Variants in FHIT observed in about 807,000 individuals in gnomAD.
The protein encoded by FHIT is fragile histidine triad diadenosine triphosphatase.
In FHIT, 19 loss-of-function variants were observed where a neutral mutation model predicts 17.9. The ratio of observed to expected loss-of-function variants is 1.06; its 90% CI spans 0.74 to 1.56. The LOEUF (loss-of-function observed/expected upper bound fraction) is 1.56, where lower values mean the gene tolerates loss of function less well. Among genes scored for constraint, FHIT ranks in the 40% most tolerant of loss-of-function variants. The pLI, the probability that FHIT is intolerant of heterozygous loss-of-function variation, is 0.00. For missense variants in FHIT, 248 were observed against 189.2 expected, an observed-to-expected ratio of 1.31 and a Z score of -1.82; for synonymous variants, 81 against 69.7, an observed-to-expected ratio of 1.16 and a Z score of -0.81.
intron 8 of FHIT, among the ~76,000 whole-genome samples, chr3:59,909,510 A>G (rs1272278260): frequency 6.6e-6 from 1 of 152,106 alleles, no homozygotes; most frequent in Non-Finnish European, 1.5e-5. Context: ...TTGTATTTTT[A>G]GTAGAGACGG....
At chr3:60,570,773 C>T (rs149807569) in intron 4 of FHIT, among the ~76,000 whole-genome samples, 374 of 143,952 alleles carry the variant, frequency 2.6e-3, no homozygotes, top group African/African-American at 8.6e-3. Context: ...AAGAGCCTAG[C>T]GCATGTTATG....
chr3:61,179,647 G>A (rs2038271764), intron 2 of FHIT, among the ~76,000 whole-genome samples: 1 of 143,352 alleles, frequency 7.0e-6, no homozygotes, highest in Admixed American at 7.3e-5. Flanking sequence ...AGTCAAGGCT[G>A]CTGTGAGCTA....
chr3:59,943,283 A>T (rs991964007), intron 7 of FHIT, among the ~76,000 whole-genome samples: 1 of 150,230 alleles, frequency 6.7e-6, no homozygotes, highest in Non-Finnish European at 1.5e-5. Context: ...GACAGAGTCA[A>T]TTTTTTTTTT....
At position 60,373,970 on chromosome 3, in the gene FHIT, T is replaced by C. The variant is rs1199800329; in HGVS notation, c.103+162890A>G. Among the ~76,000 whole-genome samples the C allele has an allele frequency of 3.9e-5, 6 of 152,306 alleles. No homozygotes were observed. The East Asian group carries it at 1.2e-3, about 29-fold the overall frequency. On this transcript the variant is annotated intron_variant, in intron 5 of 9. Transcript: ENST00000492590. The stretch of plus-strand genomic sequence containing the variant: ...AACAAGCTACACAGAAGGCGGAATC[T>C]CTAGTATGTGGTGAATCTGGTTATT...
At chr3:60,440,520 A>G (rs1003515455) in intron 5 of FHIT, among the ~76,000 whole-genome samples, 1 of 152,088 alleles carries the variant, frequency 6.6e-6, no homozygotes, top group African/African-American at 2.4e-5. Context: ...TACCTGCACT[A>G]TCATTTAATT....
chr3:59,828,820 T>C (rs553621055), intron 8 of FHIT, among the ~76,000 whole-genome samples: 40 of 146,368 alleles, frequency 2.7e-4, no homozygotes, highest in Non-Finnish European at 4.9e-4. Flanking sequence ...TTTTTTGTTT[T>C]TGTTTTTTTA....
chr3:60,329,513 C>T (rs147317997), intron 5 of FHIT, among the ~76,000 whole-genome samples: 42 of 152,286 alleles, frequency 2.8e-4, no homozygotes, highest in African/African-American at 1.0e-3. Context: ...ATGAACCTAA[C>T]CCAGCTGCTT....
Position 60,926,920 on chromosome 3 carries a change from A to C in FHIT, c.-110-104909T>G, listed in dbSNP as rs7639157. ...TACAAACTACCATCACAGAATACTAAAAACACCTCTATGCAAATAAACTAC... is the reference window on the plus strand; with the variant it reads ...TACAAACTACCATCACAGAATACTACAAACACCTCTATGCAAATAAACTAC... On this transcript the variant is annotated intron_variant, in intron 3 of 9. Transcript: ENST00000492590. Among the ~76,000 whole-genome samples the C allele has an allele frequency of 1.8e-3, 273 of 152,006 alleles. 1 individual carries two copies. Among genetic ancestry groups the C allele is most frequent in the Middle Eastern group, 6.8e-3 (2 of 294 alleles).
At chr3:60,953,801 C>T (rs1445482301) in intron 3 of FHIT, among the ~76,000 whole-genome samples, 4 of 152,136 alleles carry the variant, frequency 2.6e-5, no homozygotes, top group Admixed American at 6.5e-5. Flanking sequence ...TTAGAAGAGA[C>T]GAAGACGAGA....
At chr3:61,223,265 C>T (rs2039886007) in intron 1 of FHIT, among the ~76,000 whole-genome samples, 1 of 152,186 alleles carries the variant, frequency 6.6e-6, no homozygotes, top group African/African-American at 2.4e-5. Context: ...GGCCAAGCAG[C>T]AGAACAGAGT....
intron 5 of FHIT, among the ~76,000 whole-genome samples, chr3:60,131,999 C>A (rs1208897361): frequency 2.6e-5 from 4 of 152,244 alleles, no homozygotes; most frequent in Middle Eastern, 3.4e-3. Context: ...ACAGACTGAG[C>A]TTAGCTTTCT....
chr3:60,903,746 C>T (rs1458641433), intron 3 of FHIT, among the ~76,000 whole-genome samples: 5 of 152,138 alleles, frequency 3.3e-5, no homozygotes, highest in African/African-American at 1.2e-4. Context: ...TATTTGGTGT[C>T]TTAAACACAT....
intron 4 of FHIT, among the ~76,000 whole-genome samples, chr3:60,756,934 G>A (rs782741760): frequency 1.3e-5 from 2 of 152,064 alleles, no homozygotes; most frequent in Non-Finnish European, 2.9e-5. Context: ...TGAAACTATG[G>A]ACTGGGGAAA....
At chr3:59,987,932 T>C (rs1696410399) in intron 7 of FHIT, among the ~76,000 whole-genome samples, 1 of 152,106 alleles carries the variant, frequency 6.6e-6, no homozygotes, top group Admixed American at 6.6e-5. Context: ...TGAAATATAT[T>C]TTGAAAAGGG....
chr3:60,917,767 C>T (rs988782941), intron 3 of FHIT, among the ~76,000 whole-genome samples: 2 of 152,348 alleles, frequency 1.3e-5, no homozygotes, highest in Admixed American at 1.3e-4. Flanking sequence ...GATTTACTTT[C>T]CTTATATCAT....
intron 2 of FHIT, among the ~76,000 whole-genome samples, chr3:61,043,724 T>A (rs952249752): frequency 3.3e-5 from 5 of 152,138 alleles, no homozygotes; most frequent in Non-Finnish European, 7.4e-5. Context: ...GGGAGATACC[T>A]CCCAGTAGGG....
At chr3:59,985,133 CTT>C (rs1316225548) in intron 7 of FHIT, among the ~76,000 whole-genome samples, 4 of 152,216 alleles carry the variant, frequency 2.6e-5, no homozygotes, top group South Asian at 2.1e-4. Context: ...TGCTCTAACT[CTT>C]GACAGTTGAG....
rs544256387 is a variant in FHIT, at chr3:60,268,243, T to C, written c.104-254091A>G. ...TATGCTGAATAATCTCTATCTCCTA[T>C]AGCATTTAGGCTGAGGACGTTAAGT... On this transcript the variant is annotated intron_variant, in intron 5 of 9. Transcript: ENST00000492590. Among the ~76,000 whole-genome samples, 26 of 152,326 alleles carry C rather than the reference T, an allele frequency of 1.7e-4. No homozygotes were observed. In the South Asian group the frequency reaches 3.5e-3, roughly 21 times the overall value.
At chr3:60,851,193 G>C (rs1703140132) in intron 3 of FHIT, among the ~76,000 whole-genome samples, 1 of 152,130 alleles carries the variant, frequency 6.6e-6, no homozygotes. Context: ...ATTGAAGATA[G>C]TTTTTAAGTC....
Sources: allele counts gnomAD v4.1 joint callset (sites outside exome capture counted in the v4.1 genomes callset), GRCh38; gene constraint gnomAD v4.1.1; transcripts MANE v1.5; gene names NCBI Gene and HGNC (gene_info 2026-07-23, HGNC 2026-07-21).